Variants in PREX2 observed in about 807,000 individuals in gnomAD.
The protein encoded by PREX2 is phosphatidylinositol-3,4,5-trisphosphate dependent Rac exchange factor 2, also known as phosphatidylinositol 3,4,5-trisphosphate-dependent Rac exchanger 2 protein.
In PREX2, 107 loss-of-function variants were observed where a neutral mutation model predicts 203.2. That is an observed-to-expected ratio of 0.53 (90% CI 0.45 to 0.62). The LOEUF is 0.62. Among genes scored for constraint, PREX2 ranks in the 20% least tolerant of loss-of-function variants. The pLI is 0.00. For missense variants in PREX2, 1,777 were observed against 1,955.9 expected (o/e 0.91, Z 1.72); for synonymous variants, 672 against 663.6 (o/e 1.01, Z -0.19).
At chr8:68,096,651 T>C (rs1418818871) in intron 21 of PREX2, among the ~76,000 whole-genome samples, 12 of 152,180 alleles carry the variant, frequency 7.9e-5, no homozygotes, top group Non-Finnish European at 1.6e-4. Flanking sequence ...TAAGAAAATA[T>C]TCATACAACA....
intron 1 of PREX2, among the ~76,000 whole-genome samples, chr8:67,989,718 T>C (rs1404215805): frequency 2.0e-5 from 3 of 152,238 alleles, no homozygotes; most frequent in Non-Finnish European, 4.4e-5. Flanking sequence ...GTGTTATTGC[T>C]AAATTCAGTG....
chr8:68,101,467 G>T, intron 23 of PREX2: 1 of 518,830 alleles, frequency 1.9e-6, no homozygotes, highest in Non-Finnish European at 3.8e-6. Context: ...TGCTTTTCAT[G>T]ACTGCTGAGT....
At chr8:68,049,806 C>T (rs1471090031) in intron 8 of PREX2, among the ~76,000 whole-genome samples, 1 of 151,916 alleles carries the variant, frequency 6.6e-6, no homozygotes, top group Non-Finnish European at 1.5e-5. Context: ...CAGTGTTGGA[C>T]TTTTTAATGG....
intron 4 of PREX2, among the ~76,000 whole-genome samples, chr8:68,024,690 A>G (rs2129610353): frequency 6.6e-6 from 1 of 151,664 alleles, no homozygotes; most frequent in Non-Finnish European, 1.5e-5. Flanking sequence ...ACTTTTTCCT[A>G]CATGTCTTTT....
chr8:68,069,837 T>C lies in PREX2; in HGVS notation c.1446T>C (p.Gly482=). 6.6e-7 allele frequency: 1 copy of C among 1,516,130 alleles called. No homozygotes were observed. Among genetic ancestry groups the C allele is most frequent in the Non-Finnish European group, 9.1e-7 (1 of 1,102,254 alleles). The allele number at this position is 1,516,130 out of a possible 1,614,324, so 93.9% of individuals were successfully genotyped here. ...RNEMQDVISK[G]VRLYCRLHSL... ...TGATATATCTCTATTTTACGTAGGG[T>C]GTAAGATTATATTGTCGTCTTCATA... Residue 482 remains glycine (G), a splice_region_variant and synonymous_variant, in exon 13 of 40, where the codon GGT becomes GGC. Coordinates refer to ENST00000288368, the MANE Select transcript of PREX2 (RefSeq NM_024870.4).
intron 1 of PREX2, among the ~76,000 whole-genome samples, chr8:68,014,252 T>A (rs1361561106): frequency 1.3e-5 from 2 of 152,094 alleles, no homozygotes; most frequent in Non-Finnish European, 2.9e-5. Context: ...AATTAGTGGA[T>A]AATATTTATC....
intron 1 of PREX2, among the ~76,000 whole-genome samples, chr8:67,976,813 G>A (rs1258267870): frequency 7.6e-6 from 1 of 131,450 alleles, no homozygotes; most frequent in Non-Finnish European, 1.7e-5. Flanking sequence ...GAGAGAGAGA[G>A]TGAGACAGAG....
At chr8:68,102,918 T>C (rs556099208) in intron 23 of PREX2, 2 of 518,070 alleles carry the variant, frequency 3.9e-6, no homozygotes, top group African/African-American at 3.8e-5. Flanking sequence ...GGAGCAGGAT[T>C]TGGGGACAAT....
At chr8:68,205,680 C>T (rs1812609608) in intron 37 of PREX2, among the ~76,000 whole-genome samples, 1 of 152,170 alleles carries the variant, frequency 6.6e-6, no homozygotes, top group Admixed American at 6.5e-5. Context: ...TCAGGTGCTT[C>T]ATTCTAGCTG....
intron 18 of PREX2, 34 bp from the exon 19 acceptor site, chr8:68,087,690 C>A: frequency 6.8e-7 from 1 of 1,461,796 alleles, no homozygotes; most frequent in Non-Finnish European, 9.6e-7. Context: ...TTGATTCTTA[C>A]GCTTCATCTT....
At chr8:68,038,124 G>A (rs1808088703) in intron 6 of PREX2, 35 bp from the exon 7 acceptor site, 1 of 1,595,614 alleles carries the variant, frequency 6.3e-7, no homozygotes, top group Middle Eastern at 1.7e-4. Context: ...TGTCAACCAA[G>A]TAAGCAGACA....
intron 11 of PREX2, among the ~76,000 whole-genome samples, chr8:68,065,865 G>A (rs918555058): frequency 1.4e-4 from 22 of 152,160 alleles, no homozygotes; most frequent in African/African-American, 5.3e-4. Context: ...AAAAGAGAAA[G>A]CGTAGAGATT....
Position 67,983,534 on chromosome 8 carries a change from A to G in PREX2, c.141+30999A>G, listed in dbSNP as rs141583836. 3.5e-3 allele frequency among the ~76,000 whole-genome samples: 528 copies of G among 152,266 alleles called. 1 individual carries two copies. Among genetic ancestry groups the G allele is most frequent in the Non-Finnish European group, 6.0e-3 (406 of 68,026 alleles). On this transcript the variant is annotated intron_variant, in intron 1 of 39. Coordinates refer to ENST00000288368, the MANE Select transcript of PREX2 (RefSeq NM_024870.4). ...ACTGTGCCATGATAGTGAACTTCCT[A>G]TATAGTTCAGTCACCCACAATGGCC...
chr8:68,112,678 G>T (rs1409836795), intron 25 of PREX2, among the ~76,000 whole-genome samples: 2 of 152,096 alleles, frequency 1.3e-5, no homozygotes, highest in Non-Finnish European at 2.9e-5. Context: ...TCTGTGAGTT[G>T]AGTTATGAAA....
intron 4 of PREX2, among the ~76,000 whole-genome samples, chr8:68,026,911 A>G (rs759427796): frequency 6.6e-6 from 1 of 152,024 alleles, no homozygotes. Context: ...CTGTTTATCC[A>G]CCACTTATCC....
intron 34 of PREX2, among the ~76,000 whole-genome samples, chr8:68,149,610 A>T (rs1811393485): frequency 6.6e-6 from 1 of 151,926 alleles, no homozygotes; most frequent in African/African-American, 2.4e-5. Flanking sequence ...GAGGATAAAT[A>T]TTCAGGGCCA....
At chr8:68,191,531 C>G (rs1400689208) in intron 35 of PREX2, among the ~76,000 whole-genome samples, 191 bp from the exon 36 acceptor site, 6 of 152,152 alleles carry the variant, frequency 3.9e-5, no homozygotes, top group Admixed American at 2.6e-4. Context: ...TTCTAATAGA[C>G]CCGGTGGTAA....
chr8:68,215,980 C>G (rs1343756500), intron 37 of PREX2, among the ~76,000 whole-genome samples: 1 of 152,146 alleles, frequency 6.6e-6, no homozygotes, highest in Non-Finnish European at 1.5e-5. Flanking sequence ...ACATCATGTA[C>G]AACTAGAACT....
chr8:68,001,926 C>T (rs1191887625), intron 1 of PREX2, among the ~76,000 whole-genome samples: 1 of 152,074 alleles, frequency 6.6e-6, no homozygotes, highest in Non-Finnish European at 1.5e-5. Context: ...GAAGAACAGA[C>T]ACTGGAGTCT....
Sources: gnomAD v4.1 joint callset for allele counts (sites outside exome capture counted in the v4.1 genomes callset) on GRCh38, gnomAD v4.1.1 for gene constraint, MANE v1.5 for transcripts, NCBI Gene and HGNC (gene_info 2026-07-23, HGNC 2026-07-21) for gene names.